Variants in PDHX observed in about 807,000 individuals in gnomAD.
PDHX encodes pyruvate dehydrogenase complex component X.
A neutral mutation model predicts 55.3 loss-of-function variants in PDHX; 33 were observed. The observed-to-expected ratio is 0.60, with a 90% CI of 0.45 to 0.80. The LOEUF (loss-of-function observed/expected upper bound fraction) is 0.80, where lower values mean the gene tolerates loss of function less well. PDHX is among the 30% of genes least tolerant of loss of function. The pLI is 0.00. For synonymous variants in PDHX, 226 were observed against 219.4 expected (o/e 1.03, Z -0.27); for missense variants, 622 against 619.9 (o/e 1.00, Z -0.04).
chr11:34,935,392 A>G (rs1854284735), intron 2 of PDHX, among the ~76,000 whole-genome samples: 1 of 152,176 alleles, frequency 6.6e-6, no homozygotes. Context: ...ACTATGAATA[A>G]AAGAGGTGAG....
chr11:34,957,687 A>C (rs1854937128), intron 4 of PDHX, 104 bp downstream of exon 4: 1 of 930,794 alleles, frequency 1.1e-6, no homozygotes, highest in Admixed American at 2.0e-5. Flanking sequence ...TACATCACGT[A>C]GGAAGTTGCT....
intron 6 of PDHX, 69 bp from the exon 7 acceptor site, chr11:34,970,070 T>C (rs1176395847): frequency 2.3e-6 from 3 of 1,299,612 alleles, no homozygotes; most frequent in Non-Finnish European, 3.3e-6. Flanking sequence ...ATTTATAAAG[T>C]TGCTTGTTTT....
At chr11:34,991,136 CTGTCT>C (rs1321025683) in intron 9 of PDHX, among the ~76,000 whole-genome samples, 1 of 152,268 alleles carries the variant, frequency 6.6e-6, no homozygotes, top group Non-Finnish European at 1.5e-5. Context: ...AATATGTCAT[CTGTCT>C]TGTCTTCTGT....
chr11:34,986,030 C>T (rs1457334929), intron 9 of PDHX, among the ~76,000 whole-genome samples: 1 of 152,178 alleles, frequency 6.6e-6, no homozygotes, highest in Non-Finnish European at 1.5e-5. Context: ...TGAGGCTGCA[C>T]ATGGTGGCTC....
intron 4 of PDHX, among the ~76,000 whole-genome samples, chr11:34,958,125 A>G (rs942538564): frequency 6.6e-6 from 1 of 152,222 alleles, no homozygotes; most frequent in Non-Finnish European, 1.5e-5. Flanking sequence ...CATTGCTTTA[A>G]TAGAAGAACT....
At chr11:34,927,379 G>A (rs1854050648) in intron 1 of PDHX, among the ~76,000 whole-genome samples, 1 of 152,072 alleles carries the variant, frequency 6.6e-6, no homozygotes, top group African/African-American at 2.4e-5. Flanking sequence ...TTTGACAAGA[G>A]AATGGTAGAA....
intron 2 of PDHX, among the ~76,000 whole-genome samples, chr11:34,944,128 T>C (rs1350598551): frequency 6.6e-6 from 1 of 150,554 alleles, no homozygotes; most frequent in Non-Finnish European, 1.5e-5. Context: ...ATAATTATTA[T>C]TATTTTTTAG....
At chr11:34,916,554 G>A, upstream of PDHX, 2 of 1,521,118 alleles carry the variant, frequency 1.3e-6, no homozygotes, top group Non-Finnish European at 1.8e-6. Context: ...GAGACCTAAA[G>A]GCACCGCTAG....
intron 1 of PDHX, among the ~76,000 whole-genome samples, chr11:34,923,898 T>C (rs185939325): frequency 6.6e-6 from 1 of 152,330 alleles, no homozygotes; most frequent in Admixed American, 6.5e-5. Flanking sequence ...AGGTTGGTTT[T>C]CAAGTATGAA....
Position 34,985,195 on chromosome 11 carries a change from C to T in PDHX, c.1182+467C>T, listed in dbSNP as rs531742601. Among the ~76,000 whole-genome samples, 9 of 152,308 alleles carry T rather than the reference C, an allele frequency of 5.9e-5. 1 individual carries two copies. The South Asian group carries it at 6.2e-4, about 11-fold the overall frequency. Reference sequence around the variant, plus strand: ...CGGTGTCTCACGCCTGTAATGCCAGCGCTTTGGGAGGCCGAGGTGGGTGGA... The same window carrying T: ...CGGTGTCTCACGCCTGTAATGCCAGTGCTTTGGGAGGCCGAGGTGGGTGGA... On this transcript the variant is annotated intron_variant, in intron 9 of 10. Coordinates refer to ENST00000227868, the MANE Select transcript of PDHX (RefSeq NM_003477.3).
chr11:34,986,673 T>C (rs576157078), intron 9 of PDHX, among the ~76,000 whole-genome samples: 2 of 152,290 alleles, frequency 1.3e-5, no homozygotes, highest in South Asian at 2.1e-4. Flanking sequence ...GCTTTCTCTA[T>C]TCCTTGCATC....
At chr11:34,953,267 C>G (rs1854820750) in intron 3 of PDHX, among the ~76,000 whole-genome samples, 1 of 152,082 alleles carries the variant, frequency 6.6e-6, no homozygotes, top group South Asian at 2.1e-4. Flanking sequence ...CCATACTGCC[C>G]AAGGTAATTT....
At chr11:34,972,599 A>G (rs1342377394) in intron 7 of PDHX, among the ~76,000 whole-genome samples, 1 of 151,962 alleles carries the variant, frequency 6.6e-6, no homozygotes, top group East Asian at 1.9e-4. Context: ...GTGTTTTAGC[A>G]TGTTGGCCAC....
chr11:34,977,367 A>G (rs1233666821), intron 7 of PDHX, among the ~76,000 whole-genome samples: 1 of 152,182 alleles, frequency 6.6e-6, no homozygotes, highest in Non-Finnish European at 1.5e-5. Flanking sequence ...TACTTTAGTT[A>G]TGATCAGCTC....
intron 2 of PDHX, among the ~76,000 whole-genome samples, chr11:34,946,366 A>G (rs1248733324): frequency 6.6e-6 from 1 of 151,882 alleles, no homozygotes; most frequent in Non-Finnish European, 1.5e-5. Flanking sequence ...TTATTTTACA[A>G]TCTTTGACAG....
chr11:34,993,609 T>A (rs904730234), intron 10 of PDHX, among the ~76,000 whole-genome samples: 7 of 152,172 alleles, frequency 4.6e-5, no homozygotes, highest in African/African-American at 7.2e-5. Flanking sequence ...AGTTCTGTGC[T>A]ATTTTTTTTC....
In PDHX at chr11:34,964,990, C is replaced by G. The variant is rs575253256; in HGVS notation, c.642-1650C>G. Among the ~76,000 whole-genome samples, 9 of 152,200 alleles carry G rather than the reference C, an allele frequency of 5.9e-5. No individual in the cohort carries two copies. In the East Asian group the frequency reaches 1.7e-3, roughly 29 times the overall value. On this transcript the variant is annotated intron_variant, in intron 5 of 10. Transcript: ENST00000227868. Reference sequence around the variant, plus strand: ...GGCATTAACGATACAGATTTTTGCACCCCAGTTAGACTGTTCCTGCTTGTG... The same window carrying G: ...GGCATTAACGATACAGATTTTTGCAGCCCAGTTAGACTGTTCCTGCTTGTG...
chr11:34,957,457 A>C lies in PDHX; in HGVS notation c.416A>C (p.Lys139Thr). ...ATAGTAGAAGAAGGAGAAGATTGGA[A>C]ACATGTTGAAATTCCCAAAGACGTA... is the stretch of plus-strand genomic sequence containing the variant. ...GLIVEEGEDW[K>T]HVEIPKDVGP... Residue 139 changes from lysine (K) to threonine (T), a missense_variant, in exon 4 of 11, where the codon AAA becomes ACA. Transcript: ENST00000227868. 1 of 1,613,804 alleles carries C rather than the reference A, an allele frequency of 6.2e-7. No homozygotes were observed. The highest frequency in any genetic ancestry group is 8.5e-7 in the Non-Finnish European group (1 of 1,179,702).
chr11:34,932,367 G>A lies in PDHX; in HGVS notation c.241+883G>A, dbSNP rs181095579. Among the ~76,000 whole-genome samples the A allele has an allele frequency of 2.0e-5, 3 of 152,202 alleles. No individual in the cohort carries two copies. In the East Asian group the frequency reaches 5.8e-4, roughly 29 times the overall value. Reference sequence around the variant, plus strand: ...AGTATTTGCGATTTCTATCACAAAGGGTTAATATCCCTAAAAAATCGATAA... The same window carrying A: ...AGTATTTGCGATTTCTATCACAAAGAGTTAATATCCCTAAAAAATCGATAA... On this transcript the variant is annotated intron_variant, in intron 2 of 10. Coordinates refer to ENST00000227868, the MANE Select transcript of PDHX (RefSeq NM_003477.3).
Sources: allele counts gnomAD v4.1 joint callset (sites outside exome capture counted in the v4.1 genomes callset), GRCh38; gene constraint gnomAD v4.1.1; transcripts MANE v1.5; gene names NCBI Gene and HGNC (gene_info 2026-07-23, HGNC 2026-07-21).